Variants in LMOD1 observed in about 807,000 individuals in gnomAD.
LMOD1 encodes the protein leiomodin 1.
Under a neutral mutation model 36.5 loss-of-function variants are expected in LMOD1, and 8 were observed. That is an observed-to-expected ratio of 0.22 (90% CI 0.13 to 0.40). The LOEUF (loss-of-function observed/expected upper bound fraction) is 0.40, where lower values mean the gene tolerates loss of function less well. Among genes scored for constraint, LMOD1 ranks in the 10% least tolerant of loss-of-function variants. The probability of loss-of-function intolerance (pLI) is 1.00; values close to 1 mark genes in which losing one functional copy is unlikely to be tolerated. For missense variants in LMOD1, 630 were observed against 751.1 expected (o/e 0.84, Z 1.88); for synonymous variants, 284 against 288.7 (o/e 0.98, Z 0.17).
chr1:201,904,806 G>C (rs370249708), intron 1 of LMOD1, among the ~76,000 whole-genome samples: 69 of 152,328 alleles, frequency 4.5e-4, no homozygotes, highest in African/African-American at 1.6e-3. Context: ...GCACTCAAAC[G>C]TTGCCTTAAA....
chr1:201,910,419 G>A (rs958454867), intron 1 of LMOD1, among the ~76,000 whole-genome samples: 3 of 152,006 alleles, frequency 2.0e-5, no homozygotes, highest in African/African-American at 4.8e-5. Context: ...GACTACAAGC[G>A]TGCATGACAA....
chr1:201,942,941 A>G (rs571711953), intron 1 of LMOD1, among the ~76,000 whole-genome samples: 6 of 152,306 alleles, frequency 3.9e-5, no homozygotes, highest in East Asian at 1.9e-4. Context: ...CCATTATCAC[A>G]CCTAAAAGAA....
chr1:201,900,780 T>C lies in LMOD1; in HGVS notation c.262-29A>G, dbSNP rs765524367. On this transcript the variant is annotated intron_variant, in intron 1 of 2. Coordinates refer to ENST00000367288, the MANE Select transcript of LMOD1 (RefSeq NM_012134.3). Reference sequence around the variant, plus strand: ...AGAATTCAGAAAAGAAAAATAATCATGAAAAGCTGGCTACAGAGGGAGAGG... The same window carrying C: ...AGAATTCAGAAAAGAAAAATAATCACGAAAAGCTGGCTACAGAGGGAGAGG... 4 of 1,549,782 alleles carry C rather than the reference T, an allele frequency of 2.6e-6. No individual in the cohort carries two copies. In the East Asian group the frequency reaches 6.8e-5, roughly 26 times the overall value.
intron 1 of LMOD1, among the ~76,000 whole-genome samples, chr1:201,924,969 C>T (rs945731035): frequency 7.2e-5 from 11 of 152,068 alleles, no homozygotes; most frequent in Admixed American, 2.0e-4. Context: ...AGTCCCAGCA[C>T]TTTGGGAGGC....
Position 201,925,042 on chromosome 1 carries a change from G to A in LMOD1, c.261+21038C>T, listed in dbSNP as rs558225830. Reference sequence around the variant, plus strand: ...CCAGCCATGGCCGACATAGTGAAACGCTGTCTCTACTAAAAATGCAAAAAT... The same window carrying A: ...CCAGCCATGGCCGACATAGTGAAACACTGTCTCTACTAAAAATGCAAAAAT... On this transcript the variant is annotated intron_variant, in intron 1 of 2. Transcript: ENST00000367288. 2.6e-5 allele frequency among the ~76,000 whole-genome samples: 4 copies of A among 152,126 alleles called. 1 individual carries two copies. Among genetic ancestry groups the A allele is most frequent in the East Asian group, 1.9e-4 (1 of 5,174 alleles).
At chr1:201,930,685 C>T (rs765524263) in intron 1 of LMOD1, among the ~76,000 whole-genome samples, 16 of 151,930 alleles carry the variant, frequency 1.1e-4, no homozygotes, top group Non-Finnish European at 1.8e-4. Context: ...AGAGAGCATA[C>T]GGGGATAACT....
In LMOD1 at chr1:201,898,274, C is replaced by T; in HGVS notation, c.*98G>A. On this transcript the variant is annotated 3_prime_UTR_variant, in exon 3 of 3. Coordinates refer to ENST00000367288, the MANE Select transcript of LMOD1 (RefSeq NM_012134.3). ...CATGGCAGAATAGGGACATCCACAG[C>T]AGGTCAGCCAGGGATGGGGTGGGCA... The T allele has an allele frequency of 1.6e-6, 2 of 1,238,914 alleles. No individual in the cohort carries two copies. Among genetic ancestry groups the T allele is most frequent in the Non-Finnish European group, 2.3e-6 (2 of 857,736 alleles). 76.7% of individuals were successfully genotyped at this position (1,238,914 alleles called of 1,614,324 possible).
At chr1:201,932,002 G>T (rs1681931888) in intron 1 of LMOD1, among the ~76,000 whole-genome samples, 1 of 152,104 alleles carries the variant, frequency 6.6e-6, no homozygotes, top group Non-Finnish European at 1.5e-5. Flanking sequence ...GAGGTTATAG[G>T]GTTTTAATCC....
intron 1 of LMOD1, among the ~76,000 whole-genome samples, chr1:201,936,630 G>A (rs1211118861): frequency 3.9e-5 from 6 of 151,960 alleles, no homozygotes; most frequent in Admixed American, 2.6e-4. Flanking sequence ...TAGCTCCTTC[G>A]GTCCATTTAG....
intron 1 of LMOD1, among the ~76,000 whole-genome samples, chr1:201,944,640 T>C (rs1682171464): frequency 6.6e-6 from 1 of 151,490 alleles, no homozygotes; most frequent in Non-Finnish European, 1.5e-5. Flanking sequence ...ACCTTGTGCA[T>C]ACAGGACAAT....
At chr1:201,922,206 A>G (rs930492084) in intron 1 of LMOD1, among the ~76,000 whole-genome samples, 6 of 152,304 alleles carry the variant, frequency 3.9e-5, no homozygotes, top group South Asian at 2.1e-4. Flanking sequence ...TTAAACATAG[A>G]GTTGCCACAT....
intron 1 of LMOD1, among the ~76,000 whole-genome samples, chr1:201,920,872 A>T (rs1208333541): frequency 6.6e-6 from 1 of 152,112 alleles, no homozygotes; most frequent in African/African-American, 2.4e-5. Context: ...CTAAAAATAA[A>T]AATAAATAAA....
intron 1 of LMOD1, among the ~76,000 whole-genome samples, chr1:201,927,491 A>G (rs566897727): frequency 1.3e-5 from 2 of 152,038 alleles, no homozygotes; most frequent in East Asian, 1.9e-4. Flanking sequence ...GCTTGAACCC[A>G]GAAGGCAGAG....
intron 1 of LMOD1, among the ~76,000 whole-genome samples, chr1:201,908,287 G>A (rs574614749): frequency 6.6e-5 from 10 of 152,302 alleles, no homozygotes; most frequent in Admixed American, 5.9e-4. Context: ...CCACTGGCCT[G>A]TGCTGGATGA....
intron 1 of LMOD1, among the ~76,000 whole-genome samples, chr1:201,940,828 A>G (rs1682102954): frequency 6.7e-6 from 1 of 148,214 alleles, no homozygotes; most frequent in Non-Finnish European, 1.5e-5. Flanking sequence ...GGCGCACCGT[A>G]ACCTCCGCCT....
intron 1 of LMOD1, among the ~76,000 whole-genome samples, chr1:201,901,681 T>C (rs1381537750): frequency 1.1e-5 from 1 of 91,346 alleles, no homozygotes; most frequent in African/African-American, 3.9e-5. Context: ...TATACACATA[T>C]ATATATGTGT....
chr1:201,915,833 C>G (rs916689876), intron 1 of LMOD1, among the ~76,000 whole-genome samples: 21 of 152,214 alleles, frequency 1.4e-4, no homozygotes, highest in African/African-American at 4.6e-4. Flanking sequence ...CTCGGTTTCG[C>G]TGACCTCCTC....
rs144030881 is a variant in LMOD1 at position 201,944,024 on chromosome 1, A to C, written c.261+2056T>G. Among the ~76,000 whole-genome samples the C allele has an allele frequency of 4.0e-3, 616 of 152,300 alleles. 1 individual carries two copies. The highest frequency in any genetic ancestry group is 6.8e-3 in the Middle Eastern group (2 of 294). On this transcript the variant is annotated intron_variant, in intron 1 of 2. Coordinates refer to ENST00000367288, the MANE Select transcript of LMOD1 (RefSeq NM_012134.3). ...GAGATGACTTCTGCCCAGGCTCAGC[A>C]TGCACCCCGAACTCCAGCCAGCCAT...
chr1:201,924,710 A>T (rs1177662289), intron 1 of LMOD1, among the ~76,000 whole-genome samples: 1 of 88,176 alleles, frequency 1.1e-5, no homozygotes, highest in Non-Finnish European at 2.7e-5. Flanking sequence ...AGAAAGAAAG[A>T]AAGAAAGAAA....
Sources: gnomAD v4.1 joint callset for allele counts (sites outside exome capture counted in the v4.1 genomes callset) on GRCh38, gnomAD v4.1.1 for gene constraint, MANE v1.5 for transcripts, NCBI Gene and HGNC (gene_info 2026-07-23, HGNC 2026-07-21) for gene names.